Variants in CMTM4 observed in about 807,000 individuals in gnomAD.
The protein encoded by CMTM4 is CKLF like MARVEL transmembrane domain containing 4, also known as CKLF-like MARVEL transmembrane domain-containing protein 4.
CMTM4 carries 8 observed loss-of-function variants against 19.0 expected under a neutral mutation model. That is an observed-to-expected ratio of 0.42 (90% CI 0.25 to 0.76). The LOEUF (loss-of-function observed/expected upper bound fraction) is 0.76. Among genes scored for constraint, CMTM4 ranks in the 30% least tolerant of loss-of-function variants. The probability of loss-of-function intolerance (pLI) is 0.27; values close to 1 mark genes in which losing one functional copy is unlikely to be tolerated. For synonymous variants in CMTM4, 106 were observed against 121.1 expected, an observed-to-expected ratio of 0.88 and a Z score of 0.82; for missense variants, 228 against 290.2, an observed-to-expected ratio of 0.79 and a Z score of 1.56.
At chr16:66,682,125 T>G (rs1281677251) in intron 1 of CMTM4, among the ~76,000 whole-genome samples, 1 of 152,192 alleles carries the variant, frequency 6.6e-6, no homozygotes, top group Non-Finnish European at 1.5e-5. Flanking sequence ...CAGAGATTTT[T>G]GTCTTATTTC....
chr16:66,638,664 G>A (rs1046641685), intron 1 of CMTM4, among the ~76,000 whole-genome samples: 5 of 152,262 alleles, frequency 3.3e-5, no homozygotes, highest in African/African-American at 1.2e-4. Context: ...TTCGAGACCA[G>A]CCTGATTAAC....
chr16:66,649,468 A>G (rs970010361), intron 1 of CMTM4, among the ~76,000 whole-genome samples: 8 of 143,288 alleles, frequency 5.6e-5, no homozygotes, highest in Non-Finnish European at 1.1e-4. Flanking sequence ...CCATCTATCT[A>G]TCTATCTATC....
At chr16:66,602,504 C>T in the CMTM4 span, among the ~76,000 whole-genome samples, 3 of 152,208 alleles carry the variant, frequency 2.0e-5, no homozygotes, top group Non-Finnish European at 2.9e-5. Context: ...AAGCCACAAG[C>T]TATCCCAAGG....
chr16:66,695,248 G>C (rs889931220), intron 1 of CMTM4, among the ~76,000 whole-genome samples: 1 of 152,136 alleles, frequency 6.6e-6, no homozygotes, highest in Admixed American at 6.6e-5. Context: ...TCGGGAAGCT[G>C]AGGTGAGAAG....
At chr16:66,639,950 G>A (rs139247688) in intron 1 of CMTM4, among the ~76,000 whole-genome samples, 27 of 152,296 alleles carry the variant, frequency 1.8e-4, no homozygotes, top group East Asian at 5.8e-4. Flanking sequence ...CCTGGGAGGC[G>A]GAAGTTGCAG....
downstream of CMTM4, chr16:66,613,286 C>A (rs1388545774): frequency 4.3e-5 from 27 of 625,960 alleles, no homozygotes; most frequent in Non-Finnish European, 7.5e-5. Context: ...GATGACCATT[C>A]TGGGTCTAAG....
chr16:66,694,606 G>C (rs561531210), intron 1 of CMTM4, among the ~76,000 whole-genome samples: 2 of 151,544 alleles, frequency 1.3e-5, no homozygotes, highest in South Asian at 2.1e-4. Flanking sequence ...CCAGCTACTC[G>C]GGAGGCTGAG....
In CMTM4 at chr16:66,683,173, A is replaced by ACG. The variant is rs1251356346; in HGVS notation, c.186+13166_186+13167insCG. On this transcript the variant is annotated intron_variant, in intron 1 of 3. Coordinates refer to ENST00000394106, the MANE Select transcript of CMTM4 (RefSeq NM_181521.3). Reference sequence around the variant, plus strand: ...TATATATATATACGTATATATATATATACATATGTATATATATATACATAT... The same window carrying ACG: ...TATATATATATACGTATATATATATACGTACATATGTATATATATATACATAT... 1.7e-3 allele frequency among the ~76,000 whole-genome samples: 144 copies of ACG among 84,116 alleles called. 2 individuals are homozygous for ACG. The East Asian group carries it at 0.032, about 19-fold the overall frequency. 55.2% of individuals were successfully genotyped at this position (84,116 alleles called of 152,430 possible). A position where few individuals can be genotyped will look rare whatever the true frequency, so the allele number is the denominator to read the frequency against.
rs1375920955 is a variant in CMTM4, at chr16:66,696,359, C to T, written c.167G>A (p.Arg56His). The change falls in exon 1 of 4, where the codon CGC becomes CAC. Residue 56 changes from arginine (R) to histidine (H), a missense_variant. Physicochemically the swap from Arg to His is conservative, Grantham distance 29 (BLOSUM62 0). Transcript: ENST00000394106. The surrounding 1 kb of genome is among the most constrained non-coding windows in gnomAD (Gnocchi z 4.3). Reference protein sequence around the residue: ...DPDYLRGALGRLKVAQVILAL... With the variant: ...DPDYLRGALGHLKVAQVILAL... ...ACCTACCACTTGGGCGACCTTGAGG[C>T]GGCCGAGCGCGCCGCGCAGGTAGTC... 11 of 1,417,388 alleles carry T rather than the reference C, an allele frequency of 7.8e-6. No homozygotes were observed. The highest frequency in any genetic ancestry group is 9.2e-6 in the Non-Finnish European group (10 of 1,087,230). The allele number at this position is 1,417,388 out of a possible 1,614,324, so 87.8% of individuals were successfully genotyped here.
At chr16:66,612,142 C>T (rs558117734), downstream of CMTM4, among the ~76,000 whole-genome samples, 17 of 152,264 alleles carry the variant, frequency 1.1e-4, no homozygotes, top group South Asian at 3.3e-3. This position sits in a 1 kb window ranked among gnomAD's most constrained non-coding sequence, Gnocchi z 6.0. Flanking sequence ...CGGCCGGGCA[C>T]GGTGGCTCAC....
intron 1 of CMTM4, among the ~76,000 whole-genome samples, chr16:66,648,916 G>C (rs1254213278): frequency 6.6e-6 from 1 of 152,172 alleles, no homozygotes; most frequent in Non-Finnish European, 1.5e-5. Context: ...AGGTTACAGT[G>C]AGCCAAGATC....
At chr16:66,671,310 C>T (rs1326974240) in intron 1 of CMTM4, among the ~76,000 whole-genome samples, 1 of 152,090 alleles carries the variant, frequency 6.6e-6, no homozygotes, top group Admixed American at 6.6e-5. Flanking sequence ...ATCAGGCAAG[C>T]GGCACGGGTG....
rs2015606201 is a variant in CMTM4 at position 66,620,300 on chromosome 16, T to C, written c.*1758A>G. 1.0e-6 allele frequency: 1 copy of C among 985,414 alleles called. No individual in the cohort carries two copies. Among genetic ancestry groups the C allele is most frequent in the South Asian group, 4.7e-5 (1 of 21,280 alleles). The allele number at this position is 985,414 out of a possible 1,614,324, so 61.0% of individuals were successfully genotyped here. ...ACCTGACAGGCAGCACACCCAGCTG[T>C]GAGCTGGCCTGGCTGCCCTCTCTGT... On this transcript the variant is annotated 3_prime_UTR_variant, in exon 4 of 4. Transcript: ENST00000394106.
rs539416786 is a variant in CMTM4, at chr16:66,622,827, G to A, written c.462+577C>T. ...TTATTAAGACTTACAAATCGCCTGAGTGGCACCTGGGAGAGCAGTTCGTTT... is the reference window on the plus strand; with the variant it reads ...TTATTAAGACTTACAAATCGCCTGAATGGCACCTGGGAGAGCAGTTCGTTT... On this transcript the variant is annotated intron_variant, in intron 3 of 3. Coordinates refer to ENST00000394106, the MANE Select transcript of CMTM4 (RefSeq NM_181521.3). The surrounding 1 kb of genome is among the most constrained non-coding windows in gnomAD (Gnocchi z 4.0). 6.6e-6 allele frequency among the ~76,000 whole-genome samples: 1 copy of A among 152,316 alleles called. No individual in the cohort carries two copies. Among genetic ancestry groups the A allele is most frequent in the African/African-American group, 2.4e-5 (1 of 41,550 alleles).
At chr16:66,608,440 G>A in the CMTM4 span, 3 of 1,614,122 alleles carry the variant, frequency 1.9e-6, no homozygotes, top group Non-Finnish European at 1.7e-6. The surrounding 1 kb of genome is among the most constrained non-coding windows in gnomAD (Gnocchi z 5.1). Flanking sequence ...ATGACAAGTG[G>A]CAGGGCTTGT....
chr16:66,669,467 TAAAAAA>T (rs35876830), intron 1 of CMTM4, among the ~76,000 whole-genome samples: 1 of 128,832 alleles, frequency 7.8e-6, no homozygotes. Flanking sequence ...ACATGTTAAT[TAAAAAA>T]AAAAAAAAAA....
the CMTM4 span, chr16:66,608,224 T>C: frequency 6.7e-7 from 1 of 1,498,074 alleles, no homozygotes; most frequent in South Asian, 1.2e-5. This position sits in a 1 kb window ranked among gnomAD's most constrained non-coding sequence, Gnocchi z 5.1. Context: ...ACCTCCTCTA[T>C]CCTGACCACA....
chr16:66,693,933 G>C (rs1340144158), intron 1 of CMTM4, among the ~76,000 whole-genome samples: 1 of 151,968 alleles, frequency 6.6e-6, no homozygotes, highest in Non-Finnish European at 1.5e-5. Flanking sequence ...GAGGTGGGTG[G>C]GTCTCTTGAG....
chr16:66,692,117 G>A (rs995239552), intron 1 of CMTM4, among the ~76,000 whole-genome samples: 5 of 151,746 alleles, frequency 3.3e-5, no homozygotes, highest in African/African-American at 9.7e-5. Context: ...TTGAGATGGA[G>A]TCTTGCTCTG....
Sources: gnomAD v4.1 joint callset for allele counts (sites outside exome capture counted in the v4.1 genomes callset) on GRCh38, gnomAD v4.1.1 for gene constraint, Gnocchi (gnomAD v3.1) non-coding constraint, MANE v1.5 for transcripts, NCBI Gene and HGNC (gene_info 2026-07-23, HGNC 2026-07-21) for gene names.